RAB38: variants seen among roughly 807,000 people sequenced by gnomAD.
RAB38 encodes the protein RAB38, member RAS oncogene family.
In RAB38, 15 loss-of-function variants were observed where a neutral mutation model predicts 18.4. The observed-to-expected ratio is 0.82, with a 90% CI of 0.55 to 1.26. The LOEUF is 1.26. Ranked by LOEUF, RAB38 falls within the 50% of genes most tolerant of loss-of-function variation. The pLI is 0.00. For synonymous variants in RAB38, 101 were observed against 104.4 expected (o/e 0.97, Z 0.20); for missense variants, 294 against 267.4 (o/e 1.10, Z -0.69).
chr11:88,175,421 G>T lies in RAB38; in HGVS notation c.-37C>A, dbSNP rs778635998. On this transcript the variant is annotated 5_prime_UTR_variant, in exon 1 of 3. Coordinates refer to ENST00000243662, the MANE Select transcript of RAB38 (RefSeq NM_022337.3). ...GCCAGACGTGCCGTGCCTGACCAGG[G>T]AAGCGCAGCCTGGGCTCTGCGCACG... The T allele has an allele frequency of 6.3e-7, 1 of 1,575,090 alleles. No homozygotes were observed. The highest frequency in any genetic ancestry group is 8.7e-7 in the Non-Finnish European group (1 of 1,154,130).
the RAB38 span, among the ~76,000 whole-genome samples, chr11:88,008,158 A>G: frequency 6.6e-6 from 1 of 152,274 alleles, no homozygotes; most frequent in South Asian, 2.1e-4. Flanking sequence ...AGATATGTAC[A>G]TAATCGTCAG....
the RAB38 span, among the ~76,000 whole-genome samples, chr11:88,035,826 A>AATAGTGGTG: frequency 3.3e-5 from 5 of 152,062 alleles, no homozygotes; most frequent in African/African-American, 1.2e-4. Context: ...CAGGAGGAAA[A>AATAGTGGTG]ATAGTGGTGC....
the RAB38 span, among the ~76,000 whole-genome samples, chr11:87,939,125 A>G: frequency 6.6e-6 from 1 of 152,000 alleles, no homozygotes. Flanking sequence ...CTTAAAATGT[A>G]TTTCTTTCAG....
the RAB38 span, among the ~76,000 whole-genome samples, chr11:88,045,455 G>A: frequency 6.6e-6 from 1 of 152,198 alleles, no homozygotes; most frequent in Non-Finnish European, 1.5e-5. Flanking sequence ...CGTCCCCCAG[G>A]AGCTTGCTAC....
At chr11:88,069,468 G>A in the RAB38 span, among the ~76,000 whole-genome samples, 1 of 152,220 alleles carries the variant, frequency 6.6e-6, no homozygotes, top group Admixed American at 6.5e-5. Context: ...CTCCAACCAC[G>A]GCCCTGGTGC....
chr11:88,065,142 A>C, the RAB38 span, among the ~76,000 whole-genome samples: 1 of 152,208 alleles, frequency 6.6e-6, no homozygotes, highest in Non-Finnish European at 1.5e-5. Flanking sequence ...ATGAAGGGAA[A>C]GCTTGGTGTT....
chr11:88,055,143 A>G, the RAB38 span, among the ~76,000 whole-genome samples: 1 of 152,326 alleles, frequency 6.6e-6, no homozygotes, highest in South Asian at 2.1e-4. Flanking sequence ...AGGCTGAAGT[A>G]AGAGGCTGGC....
At chr11:87,928,010 T>A in the RAB38 span, among the ~76,000 whole-genome samples, 1 of 151,806 alleles carries the variant, frequency 6.6e-6, no homozygotes, top group Admixed American at 6.6e-5. Context: ...CCCAGGAGGT[T>A]GAGGCTGCAG....
the RAB38 span, among the ~76,000 whole-genome samples, chr11:87,949,113 C>A: frequency 6.6e-6 from 1 of 152,086 alleles, no homozygotes; most frequent in African/African-American, 2.4e-5. Flanking sequence ...CTGGTTTAGT[C>A]TTGGGAGGGT....
At chr11:87,858,516 A>G in the RAB38 span, among the ~76,000 whole-genome samples, 4 of 152,106 alleles carry the variant, frequency 2.6e-5, no homozygotes, top group African/African-American at 9.7e-5. Flanking sequence ...TTAGAAAGCC[A>G]TTACGGTTCT....
chr11:88,151,591 A>G (rs1943064061), intron 1 of RAB38, among the ~76,000 whole-genome samples: 1 of 152,360 alleles, frequency 6.6e-6, no homozygotes, highest in South Asian at 2.1e-4. Flanking sequence ...GCATTTAACA[A>G]GTCGACTTTT....
chr11:88,089,320 G>A, the RAB38 span, among the ~76,000 whole-genome samples: 1 of 151,600 alleles, frequency 6.6e-6, no homozygotes, highest in Non-Finnish European at 1.5e-5. Context: ...TCACGTCTTT[G>A]CAGTGTCCCT....
chr11:87,963,839 G>C, the RAB38 span, among the ~76,000 whole-genome samples: 1 of 151,770 alleles, frequency 6.6e-6, no homozygotes, highest in African/African-American at 2.4e-5. Context: ...GTAGACACAG[G>C]GTTTCACCAT....
At chr11:87,912,611 T>C in the RAB38 span, among the ~76,000 whole-genome samples, 2 of 151,934 alleles carry the variant, frequency 1.3e-5, no homozygotes, top group Middle Eastern at 6.8e-3. Context: ...TAATCCTTCC[T>C]GCTAGATGTT....
At chr11:88,068,848 T>C in the RAB38 span, among the ~76,000 whole-genome samples, 1 of 152,234 alleles carries the variant, frequency 6.6e-6, no homozygotes, top group East Asian at 1.9e-4. Context: ...ATTTGCTAAG[T>C]TCACATCAAG....
At chr11:88,063,823 C>A in the RAB38 span, among the ~76,000 whole-genome samples, 1 of 152,208 alleles carries the variant, frequency 6.6e-6, no homozygotes, top group Admixed American at 6.5e-5. Context: ...GAGTGTGAGG[C>A]CTCCCCAGCC....
the RAB38 span, among the ~76,000 whole-genome samples, chr11:87,907,559 A>T: frequency 1.3e-5 from 2 of 151,580 alleles, no homozygotes; most frequent in African/African-American, 4.8e-5. Flanking sequence ...AATTATTTCC[A>T]TCATAGTTTT....
the RAB38 span, among the ~76,000 whole-genome samples, chr11:88,078,396 A>G: frequency 0.011 from 1,700 of 152,162 alleles, 39 homozygotes; most frequent in African/African-American, 0.039. Flanking sequence ...ATTTTACAAT[A>G]TGAATCACCA....
chr11:87,945,963 G>A, the RAB38 span, among the ~76,000 whole-genome samples: 2 of 152,144 alleles, frequency 1.3e-5, no homozygotes, highest in African/African-American at 2.4e-5. Context: ...CATTGTAAGT[G>A]AGATAATGCA....
Sources: gnomAD v4.1 joint callset for allele counts (sites outside exome capture counted in the v4.1 genomes callset) on GRCh38, gnomAD v4.1.1 for gene constraint, MANE v1.5 for transcripts, NCBI Gene and HGNC (gene_info 2026-07-23, HGNC 2026-07-21) for gene names.